IGSF21: variants seen among roughly 807,000 people sequenced by gnomAD.
IGSF21 encodes immunoglobulin superfamily member 21.
Under a neutral mutation model 46.8 loss-of-function variants are expected in IGSF21, and 28 were observed. The ratio of observed to expected loss-of-function variants is 0.60; its 90% CI spans 0.44 to 0.82. IGSF21 has a LOEUF of 0.82. Ranked by LOEUF, IGSF21 falls within the 40% of genes least tolerant of loss-of-function variation. IGSF21 has a pLI of 0.00. For missense variants in IGSF21, 624 were observed against 665.5 expected (o/e 0.94, Z 0.69); for synonymous variants, 284 against 273.6 (o/e 1.04, Z -0.38).
chr1:18,372,632 A>AGATGGATGGATGGATGGATGGATG lies in IGSF21; in HGVS notation c.1016-3677_1016-3654dup, dbSNP rs779856968. On this transcript the variant is annotated intron_variant, in intron 6 of 9. Transcript: ENST00000251296. ...TGGGTGGATGTTTGGATGGATGGAT[A>AGATGGATGGATGGATGGATGGATG]GATGGATGGATGGATGGATGGATGT... 1.8e-4 allele frequency among the ~76,000 whole-genome samples: 25 copies of AGATGGATGGATGGATGGATGGATG among 135,324 alleles called. 1 individual carries two copies. The highest frequency in any genetic ancestry group is 4.2e-4 in the African/African-American group (15 of 35,348). The allele number at this position is 135,324 out of a possible 152,430, so 88.8% of individuals were successfully genotyped here. A position where few individuals can be genotyped will look rare whatever the true frequency, so the allele number is the denominator to read the frequency against.
At position 18,290,330 on chromosome 1, in the gene IGSF21, C is replaced by T. The variant is rs1016199836; in HGVS notation, c.184-1536C>T. ...AAGCCCTCAGAGGGGAAGAAAGTGACGCGTGTACATGTCGCTAAGTCCCGA... is the reference window on the plus strand; with the variant it reads ...AAGCCCTCAGAGGGGAAGAAAGTGATGCGTGTACATGTCGCTAAGTCCCGA... On this transcript the variant is annotated intron_variant, in intron 2 of 9. Transcript: ENST00000251296. The surrounding 1 kb of genome is among the most constrained non-coding windows in gnomAD (Gnocchi z 4.2). Among the ~76,000 whole-genome samples the T allele has an allele frequency of 2.6e-5, 4 of 152,100 alleles. No individual in the cohort carries two copies. Among genetic ancestry groups the T allele is most frequent in the African/African-American group, 7.2e-5 (3 of 41,406 alleles).
At chr1:18,358,887 T>C (rs2086053526) in intron 4 of IGSF21, among the ~76,000 whole-genome samples, 1 of 152,192 alleles carries the variant, frequency 6.6e-6, no homozygotes, top group African/African-American at 2.4e-5. Flanking sequence ...ACTACCTCCC[T>C]TATTTATAGT....
rs529417077 is a variant in IGSF21 at position 18,355,331 on chromosome 1, A to G, written c.425-6784A>G. On this transcript the variant is annotated intron_variant, in intron 4 of 9. Transcript: ENST00000251296. ...TGCATTGTCTCCGAAGTGAGTTACA[A>G]TGACCAAAATAACGTTCTGCTTTCA... Among the ~76,000 whole-genome samples, 11 of 152,352 alleles carry G rather than the reference A, an allele frequency of 7.2e-5. No individual in the cohort carries two copies. The South Asian group carries it at 1.7e-3, about 23-fold the overall frequency.
chr1:18,295,144 G>T (rs1034823752), intron 3 of IGSF21, among the ~76,000 whole-genome samples: 7 of 152,170 alleles, frequency 4.6e-5, no homozygotes, highest in African/African-American at 1.7e-4. Context: ...AAGTCGGGTG[G>T]ATCATCAGGA....
chr1:18,351,880 G>A (rs1358860494), intron 4 of IGSF21, among the ~76,000 whole-genome samples: 1 of 152,206 alleles, frequency 6.6e-6, no homozygotes, highest in African/African-American at 2.4e-5. Flanking sequence ...AAACTACAGA[G>A]CGGAGGCAGT....
intron 3 of IGSF21, among the ~76,000 whole-genome samples, chr1:18,323,634 G>A (rs559549485): frequency 5.3e-5 from 8 of 152,216 alleles, no homozygotes; most frequent in East Asian, 1.9e-4. Context: ...TCCCTGAAGC[G>A]GGTGAGGGGA....
chr1:18,136,865 G>A (rs866841453), intron 1 of IGSF21, among the ~76,000 whole-genome samples: 8 of 152,204 alleles, frequency 5.3e-5, no homozygotes, highest in African/African-American at 1.2e-4. Flanking sequence ...CCATTTTCAC[G>A]ATATTGATTT....
intron 3 of IGSF21, among the ~76,000 whole-genome samples, chr1:18,330,667 T>G (rs28393170): frequency 0.017 from 1,181 of 68,588 alleles, 34 homozygotes; most frequent in Middle Eastern, 0.053. Context: ...GGACATGGGA[T>G]AAGGGAAGGT....
chr1:18,203,082 G>A (rs1557585795), intron 1 of IGSF21, among the ~76,000 whole-genome samples: 1 of 152,190 alleles, frequency 6.6e-6, no homozygotes, highest in East Asian at 1.9e-4. Flanking sequence ...CCTCTGGGTG[G>A]TTGAGTGGGC....
intron 3 of IGSF21, among the ~76,000 whole-genome samples, chr1:18,311,827 G>C (rs546271039): frequency 6.6e-6 from 1 of 152,148 alleles, no homozygotes; most frequent in Non-Finnish European, 1.5e-5. Context: ...AGAACAGTGT[G>C]GGGGGAATAG....
chr1:18,130,846 C>T (rs1339245413), intron 1 of IGSF21, among the ~76,000 whole-genome samples: 1 of 152,258 alleles, frequency 6.6e-6, no homozygotes, highest in Non-Finnish European at 1.5e-5. Context: ...CACTCAGCCA[C>T]CTCAGAATCT....
Position 18,108,208 on chromosome 1 carries a change from C to A in IGSF21, c.70+10C>A. On this transcript the variant is annotated intron_variant, in intron 1 of 9. Transcript: ENST00000251296. ...CTGGACCTGGCGCGCGGTGAGTGCG[C>A]GGGCGCCTGGCGGGAGCCGAGCGGT... is the stretch of plus-strand genomic sequence containing the variant. The A allele has an allele frequency of 1.4e-6, 2 of 1,385,706 alleles. No individual in the cohort carries two copies. Among genetic ancestry groups the A allele is most frequent in the Non-Finnish European group, 1.9e-6 (2 of 1,071,940 alleles). 85.8% of individuals were successfully genotyped at this position (1,385,706 alleles called of 1,614,324 possible).
At chr1:18,204,864 T>G (rs920106035) in intron 1 of IGSF21, among the ~76,000 whole-genome samples, 1 of 152,190 alleles carries the variant, frequency 6.6e-6, no homozygotes, top group African/African-American at 2.4e-5. Flanking sequence ...CTTGGGAGTT[T>G]ATGACTTGCA....
At chr1:18,188,215 G>A (rs777809810) in intron 1 of IGSF21, among the ~76,000 whole-genome samples, 1 of 152,170 alleles carries the variant, frequency 6.6e-6, no homozygotes, top group Non-Finnish European at 1.5e-5. Context: ...AAAGTCACGT[G>A]GAACTGCTCC....
At chr1:18,178,649 C>T (rs1259533042) in intron 1 of IGSF21, among the ~76,000 whole-genome samples, 1 of 152,202 alleles carries the variant, frequency 6.6e-6, no homozygotes, top group Non-Finnish European at 1.5e-5. Flanking sequence ...TCTTGTCCCT[C>T]CCTCTTTCTC....
intron 4 of IGSF21, among the ~76,000 whole-genome samples, chr1:18,344,099 G>A (rs372353324): frequency 2.0e-5 from 3 of 152,140 alleles, no homozygotes; most frequent in Admixed American, 1.3e-4. Context: ...ATTCTTGAAC[G>A]TGATTCTCTG....
At chr1:18,111,958 T>A (rs1169590125) in intron 1 of IGSF21, 1 of 152,176 alleles carries the variant, frequency 6.6e-6, no homozygotes, top group East Asian at 1.9e-4. Context: ...ACTCTGATAT[T>A]TCAGAACGTC....
At chr1:18,163,734 C>T (rs540093799) in intron 1 of IGSF21, among the ~76,000 whole-genome samples, 28 of 152,156 alleles carry the variant, frequency 1.8e-4, no homozygotes, top group East Asian at 1.5e-3. Context: ...TCCTGCCCAG[C>T]GCCTCTTTGG....
At chr1:18,252,948 G>A (rs2084856740) in intron 2 of IGSF21, among the ~76,000 whole-genome samples, 1 of 152,142 alleles carries the variant, frequency 6.6e-6, no homozygotes, top group African/African-American at 2.4e-5. Context: ...CTTTAGCTCA[G>A]AGCTTGATAC....
Sources: gnomAD v4.1 joint callset for allele counts (sites outside exome capture counted in the v4.1 genomes callset) on GRCh38, gnomAD v4.1.1 for gene constraint, Gnocchi (gnomAD v3.1) non-coding constraint, MANE v1.5 for transcripts, NCBI Gene and HGNC (gene_info 2026-07-23, HGNC 2026-07-21) for gene names.